The following PLPPR4 variants were observed in gnomAD, a reference collection of about 807,000 sequenced individuals.
PLPPR4 encodes phospholipid phosphatase related 4.
A neutral mutation model predicts 56.6 loss-of-function variants in PLPPR4; 24 were observed. The ratio of observed to expected loss-of-function variants is 0.42; its 90% CI spans 0.31 to 0.60. PLPPR4 has a LOEUF of 0.60. PLPPR4 is among the 20% of genes least tolerant of loss of function. The pLI is 0.13. For missense variants in PLPPR4, 654 were observed against 885.8 expected (o/e 0.74, Z 3.32); for synonymous variants, 326 against 328.1 (o/e 0.99, Z 0.07).
intron 5 of PLPPR4, 50 bp downstream of exon 5, chr1:99,301,016 G>A: frequency 1.3e-6 from 2 of 1,512,508 alleles, no homozygotes; most frequent in African/African-American, 2.7e-5. Context: ...GAAAATCTGA[G>A]GAATGAATGT....
At position 99,308,463 on chromosome 1, in the gene PLPPR4, C is replaced by T. The variant is rs1187765334; in HGVS notation, c.*1453C>T. The T allele has an allele frequency of 6.6e-6, 1 of 152,554 alleles. No individual in the cohort carries two copies. Among genetic ancestry groups the T allele is most frequent in the Non-Finnish European group, 1.5e-5 (1 of 68,030 alleles). 9.5% of individuals were successfully genotyped at this position (152,554 alleles called of 1,614,324 possible). A position where few individuals can be genotyped will look rare whatever the true frequency, so the allele number is the denominator to read the frequency against. ...CAAAATATTTTGGAGTGTTTTCCAA[C>T]TTAAAGTATGAAGACATACTCAGTT... On this transcript the variant is annotated 3_prime_UTR_variant, in exon 7 of 7. Transcript: ENST00000370185.
chr1:99,304,701 GT>G (rs1557783714), intron 6 of PLPPR4, among the ~76,000 whole-genome samples: 1 of 152,106 alleles, frequency 6.6e-6, no homozygotes, highest in Admixed American at 6.6e-5. Flanking sequence ...CCAATGCTTT[GT>G]TCATTGTTAA....
intron 6 of PLPPR4, among the ~76,000 whole-genome samples, chr1:99,304,571 G>A (rs1270919119): frequency 6.6e-6 from 1 of 152,144 alleles, no homozygotes; most frequent in African/African-American, 2.4e-5. Context: ...TGAGAGCATA[G>A]ACAGATATTT....
chr1:99,305,546 T>C, intron 6 of PLPPR4, 139 bp from the exon 7 acceptor site: 1 of 796,268 alleles, frequency 1.3e-6, no homozygotes, highest in Non-Finnish European at 2.0e-6. Context: ...AAAAATATAG[T>C]TTTCATGTTT....
chr1:99,272,952 T>C (rs530174394), intron 1 of PLPPR4, among the ~76,000 whole-genome samples: 2 of 152,060 alleles, frequency 1.3e-5, no homozygotes, highest in South Asian at 2.1e-4. Flanking sequence ...TTTTTCATCT[T>C]GGTCAGAAGA....
chr1:99,298,992 A>T (rs1659814945), intron 3 of PLPPR4, 43 bp from the exon 4 acceptor site: 1 of 1,378,276 alleles, frequency 7.3e-7, no homozygotes, highest in Non-Finnish European at 1.0e-6. Context: ...TGATGCTGAC[A>T]CAACCACCAA....
chr1:99,288,435 A>G (rs1396640508), intron 2 of PLPPR4, among the ~76,000 whole-genome samples: 1 of 152,158 alleles, frequency 6.6e-6, no homozygotes, highest in African/African-American at 2.4e-5. Flanking sequence ...TGAATGGCTA[A>G]TAGGACATTT....
At chr1:99,294,368 T>C (rs1659691615) in intron 2 of PLPPR4, among the ~76,000 whole-genome samples, 1 of 152,192 alleles carries the variant, frequency 6.6e-6, no homozygotes. Context: ...GCATTTTCTT[T>C]GCATATGAGT....
chr1:99,288,928 C>T (rs1659544946), intron 2 of PLPPR4, among the ~76,000 whole-genome samples: 1 of 151,916 alleles, frequency 6.6e-6, no homozygotes. Context: ...AAATAAATAA[C>T]TAAATAAATA....
At chr1:99,295,342 G>A in intron 2 of PLPPR4, among the ~76,000 whole-genome samples, 1 of 152,066 alleles carries the variant, frequency 6.6e-6, no homozygotes, top group East Asian at 1.9e-4. Context: ...CAAAGCAGAA[G>A]GCCATAGGCT....
rs1869889 is a variant in PLPPR4 at position 99,278,353 on chromosome 1, T to C, written c.79-9612T>C. Reference sequence around the variant, plus strand: ...GTAAGATGGCAGTAATAATAGTATCTTCATCAAAAAGGTGTTGTGAAGATT... The same window carrying C: ...GTAAGATGGCAGTAATAATAGTATCCTCATCAAAAAGGTGTTGTGAAGATT... On this transcript the variant is annotated intron_variant, in intron 1 of 6. Coordinates refer to ENST00000370185, the MANE Select transcript of PLPPR4 (RefSeq NM_014839.5). Among the ~76,000 whole-genome samples, 985 of 152,244 alleles carry C rather than the reference T, an allele frequency of 6.5e-3. 6 individuals carry two copies. The highest frequency in any genetic ancestry group is 0.016 in the South Asian group (78 of 4,824).
At position 99,305,929 on chromosome 1, in the gene PLPPR4, C is replaced by G. The variant is rs752545207; in HGVS notation, c.1067C>G (p.Pro356Arg). The change falls in exon 7 of 7, where the codon CCC (proline) becomes CGC (arginine). Residue 356 changes from proline to arginine, a missense_variant. Physicochemically the swap from Pro to Arg is moderately radical, Grantham distance 103. Coordinates refer to ENST00000370185, the MANE Select transcript of PLPPR4 (RefSeq NM_014839.5). ...ADVEIITPRS[P>R]MGKENMVTFS... ...GTGGAAATCATTACTCCACGGAGCC[C>G]CATGGGGAAGGAGAACATGGTTACC... 1.1e-5 allele frequency: 17 copies of G among 1,613,924 alleles called. No individual in the cohort carries two copies. Among genetic ancestry groups the G allele is most frequent in the Non-Finnish European group, 1.4e-5 (17 of 1,180,012 alleles).
intron 1 of PLPPR4, 96 bp downstream of exon 1, chr1:99,264,767 C>A: frequency 7.3e-7 from 1 of 1,377,806 alleles, no homozygotes; most frequent in East Asian, 2.5e-5. Flanking sequence ...AGAGATCCTG[C>A]CGGGCGCGCG....
intron 6 of PLPPR4, among the ~76,000 whole-genome samples, chr1:99,302,554 T>C (rs1218739569): frequency 1.3e-5 from 2 of 151,546 alleles, no homozygotes; most frequent in African/African-American, 4.8e-5. Context: ...AGGGTACATG[T>C]GCACAATGTG....
chr1:99,270,124 A>G (rs904757438), intron 1 of PLPPR4, among the ~76,000 whole-genome samples: 2 of 151,624 alleles, frequency 1.3e-5, no homozygotes, highest in Admixed American at 6.6e-5. Context: ...TCCCAGGTTC[A>G]AATGATTCTC....
chr1:99,306,495 C>T lies in PLPPR4; in HGVS notation c.1633C>T (p.Pro545Ser), dbSNP rs1217751834. The T allele has an allele frequency of 6.2e-7, 1 of 1,614,134 alleles. No individual in the cohort carries two copies. Among genetic ancestry groups the T allele is most frequent in the African/African-American group, 1.3e-5 (1 of 75,016 alleles). Residue 545 changes from proline to serine, a missense_variant, in exon 7 of 7, where the codon CCC becomes TCC. Coordinates refer to ENST00000370185, the MANE Select transcript of PLPPR4 (RefSeq NM_014839.5). The surrounding 1 kb of genome is among the most constrained non-coding windows in gnomAD (Gnocchi z 4.0). ...SKQQGVLQSS[P>S]KNTEGSTVSC... ...GCAGCAGGGTGTCCTCCAAAGCAGC[C>T]CCAAGAACACTGAAGGCAGCACGGT... is the stretch of plus-strand genomic sequence containing the variant.
At chr1:99,274,145 AAACT>A (rs972084128) in intron 1 of PLPPR4, among the ~76,000 whole-genome samples, 25 of 152,204 alleles carry the variant, frequency 1.6e-4, no homozygotes, top group Middle Eastern at 6.8e-3. Flanking sequence ...ATGGTAAAAC[AAACT>A]ATTAGATATA....
chr1:99,278,564 G>A (rs1394789684), intron 1 of PLPPR4, among the ~76,000 whole-genome samples: 1 of 152,116 alleles, frequency 6.6e-6, no homozygotes, highest in South Asian at 2.1e-4. Context: ...TCAGCCTCAG[G>A]TCTTAGTCTC....
intron 5 of PLPPR4, 22 bp downstream of exon 5, chr1:99,300,988 G>A (rs1380764324): frequency 1.2e-6 from 2 of 1,600,336 alleles, no homozygotes; most frequent in Non-Finnish European, 1.7e-6. Flanking sequence ...GTTCTTTTTT[G>A]TTAAGTTGTG....
Sources: gnomAD v4.1 joint callset for allele counts (sites outside exome capture counted in the v4.1 genomes callset) on GRCh38, gnomAD v4.1.1 for gene constraint, Gnocchi (gnomAD v3.1) non-coding constraint, MANE v1.5 for transcripts, NCBI Gene and HGNC (gene_info 2026-07-23, HGNC 2026-07-21) for gene names.